HYOU1: variants seen among roughly 807,000 people sequenced by gnomAD.
HYOU1 encodes the protein hypoxia up-regulated 1, also known as hypoxia up-regulated protein 1.
HYOU1 carries 40 observed loss-of-function variants against 120.5 expected under a neutral mutation model. The observed-to-expected ratio is 0.33, with a 90% CI of 0.26 to 0.43. HYOU1 has a LOEUF of 0.43. Among genes scored for constraint, HYOU1 ranks in the 20% least tolerant of loss-of-function variants. HYOU1 has a pLI of 1.00. For synonymous variants in HYOU1, 501 were observed against 479.4 expected, an observed-to-expected ratio of 1.05 and a Z score of -0.59; for missense variants, 1,085 against 1,278.3, an observed-to-expected ratio of 0.85 and a Z score of 2.31.
At chr11:119,056,313 T>C (rs1246414969) in intron 1 of HYOU1, 146 bp from the exon 2 acceptor site, 2 of 703,434 alleles carry the variant, frequency 2.8e-6, no homozygotes, top group South Asian at 3.0e-5. Flanking sequence ...CCCTTCTCCC[T>C]CCTGATGGGT....
rs191259381 is a variant in HYOU1 at position 119,048,447 on chromosome 11, G to A, written c.2253+29C>T. On this transcript the variant is annotated intron_variant, in intron 19 of 25. Transcript: ENST00000617285. This position sits in a 1 kb window ranked among gnomAD's most constrained non-coding sequence, Gnocchi z 4.7. ...CCACAGAGCCAGGTGTAAGCCCAGT[G>A]GGGGGGCTGCTGCCTCCTGCCCACT... is the stretch of plus-strand genomic sequence containing the variant. 21 of 1,612,348 alleles carry A rather than the reference G, an allele frequency of 1.3e-5. No individual in the cohort carries two copies. The highest frequency in any genetic ancestry group is 5.0e-5 in the Admixed American group (3 of 59,996).
intron 16 of HYOU1, 116 bp from the exon 17 acceptor site, chr11:119,049,319 G>C: frequency 6.4e-7 from 1 of 1,562,104 alleles, no homozygotes; most frequent in Non-Finnish European, 8.6e-7. Context: ...GTATGGAAAC[G>C]GTCAATGGCC....
chr11:119,048,179 T>C lies in HYOU1; in HGVS notation c.2376+69A>G. 2 of 1,608,540 alleles carry C rather than the reference T, an allele frequency of 1.2e-6. No individual in the cohort carries two copies. The highest frequency in any genetic ancestry group is 1.7e-6 in the Non-Finnish European group (2 of 1,178,002). On this transcript the variant is annotated intron_variant, in intron 20 of 25. Transcript: ENST00000617285. This position sits in a 1 kb window ranked among gnomAD's most constrained non-coding sequence, Gnocchi z 4.7. ...TTATGGGCTCAAGCCCCAGCTCTTC[T>C]CTCTCTCTGACCCTGGGAGAGGAAG...
At position 119,047,797 on chromosome 11, in the gene HYOU1, C is replaced by T. The variant is rs2133558237; in HGVS notation, c.2532G>A (p.Glu844=). 5.0e-6 allele frequency: 8 copies of T among 1,614,020 alleles called. No homozygotes were observed. Among genetic ancestry groups the T allele is most frequent in the African/African-American group, 1.3e-5 (1 of 74,930 alleles). The change falls in exon 22 of 26, where the codon GAG becomes GAA. Residue 844 remains glutamate, a synonymous_variant. Transcript: ENST00000617285. ...MFLKGARLIP[E]MDQIFTEVEM... Reference sequence around the variant, plus strand: ...CCACCTCAGTGAAGATCTGGTCCATCTCTGGGATGAGCCGGGCCCCCCTGG... The same window carrying T: ...CCACCTCAGTGAAGATCTGGTCCATTTCTGGGATGAGCCGGGCCCCCCTGG...
In HYOU1 at chr11:119,055,176, A is replaced by G. The variant is rs1367427830; in HGVS notation, c.419+9T>C. 3 of 1,611,944 alleles carry G rather than the reference A, an allele frequency of 1.9e-6. No homozygotes were observed. The highest frequency in any genetic ancestry group is 2.2e-5 in the East Asian group (1 of 44,820). The stretch of plus-strand genomic sequence containing the variant: ...TTGCCGAGACCACCTTCCCCAACAG[A>G]GCACTCACGAGCTGATCTGAAAGTG... On this transcript the variant is annotated intron_variant, in intron 5 of 25. Coordinates refer to ENST00000617285, the MANE Select transcript of HYOU1 (RefSeq NM_006389.5). The surrounding 1 kb of genome is among the most constrained non-coding windows in gnomAD (Gnocchi z 4.0).
In HYOU1 at chr11:119,045,271, C is replaced by A; in HGVS notation, c.*322G>T. The A allele has an allele frequency of 1.9e-6, 1 of 521,046 alleles. No individual in the cohort carries two copies. Among genetic ancestry groups the A allele is most frequent in the South Asian group, 1.6e-5 (1 of 63,630 alleles). The allele number at this position is 521,046 out of a possible 1,614,324, so 32.3% of individuals were successfully genotyped here. ...CTTCCCATCACCGGGACCCATCAGC[C>A]ACTGGCAGCCATTCTCTTCCTACCC... On this transcript the variant is annotated 3_prime_UTR_variant, in exon 26 of 26. Coordinates refer to ENST00000617285, the MANE Select transcript of HYOU1 (RefSeq NM_006389.5).
At position 119,045,764 on chromosome 11, in the gene HYOU1, C is replaced by T; in HGVS notation, c.2938+17G>A. On this transcript the variant is annotated intron_variant, in intron 25 of 25. Transcript: ENST00000617285. ...ACCCCACCAGGCTTCCCACCGTAGC[C>T]CCGGCTCCATCCTCACCTGCTCCAG... 1.2e-6 allele frequency: 2 copies of T among 1,613,476 alleles called. No individual in the cohort carries two copies. Among genetic ancestry groups the T allele is most frequent in the Non-Finnish European group, 1.7e-6 (2 of 1,179,824 alleles).
At chr11:119,050,619 G>C (rs1015461546) in intron 14 of HYOU1, among the ~76,000 whole-genome samples, 4 of 149,422 alleles carry the variant, frequency 2.7e-5, no homozygotes, top group African/African-American at 9.9e-5. Context: ...TACTCAAGAG[G>C]CTGAGATGGG....
Position 119,045,500 on chromosome 11 carries a change from G to T in HYOU1, c.*93C>A. On this transcript the variant is annotated 3_prime_UTR_variant, in exon 26 of 26. Coordinates refer to ENST00000617285, the MANE Select transcript of HYOU1 (RefSeq NM_006389.5). ...GGTGAGAAAGGAACTCCAGCCGAGG[G>T]CAGGACCAACCCCTCCCCCAACCCT... 2 of 1,122,384 alleles carry T rather than the reference G, an allele frequency of 1.8e-6. No individual in the cohort carries two copies. The highest frequency in any genetic ancestry group is 1.4e-6 in the Non-Finnish European group (1 of 734,294). The allele number at this position is 1,122,384 out of a possible 1,614,324, so 69.5% of individuals were successfully genotyped here.
chr11:119,048,099 G>A lies in HYOU1; in HGVS notation c.2377-19C>T. On this transcript the variant is annotated intron_variant, in intron 20 of 25. Transcript: ENST00000617285. This position sits in a 1 kb window ranked among gnomAD's most constrained non-coding sequence, Gnocchi z 4.7. ...TCAACATCTGATGGATGTGCGATTG[G>A]GCAGAGGGGTGGAAGGGACGACAGC... The A allele has an allele frequency of 6.2e-7, 1 of 1,613,834 alleles. No individual in the cohort carries two copies. Among genetic ancestry groups the A allele is most frequent in the Non-Finnish European group, 8.5e-7 (1 of 1,180,030 alleles).
intron 7 of HYOU1, 112 bp downstream of exon 7, chr11:119,054,382 C>T: frequency 7.9e-7 from 1 of 1,262,026 alleles, no homozygotes; most frequent in Non-Finnish European, 1.1e-6. Flanking sequence ...GCTATTGGTG[C>T]ATTTTGCCAA....
Position 119,054,686 on chromosome 11 carries a change from C to G in HYOU1, c.497-11G>C. 1 of 1,607,796 alleles carries G rather than the reference C, an allele frequency of 6.2e-7. No individual in the cohort carries two copies. The highest frequency in any genetic ancestry group is 1.1e-5 in the South Asian group (1 of 91,000). On this transcript the variant is annotated splice_polypyrimidine_tract_variant and intron_variant, in intron 6 of 25. Transcript: ENST00000617285. Reference sequence around the variant, plus strand: ...CCTTGATGGGCTGCTCTACAGATGACAACAGAAAAGGGTCCCGCCGGCTCC... The same window carrying G: ...CCTTGATGGGCTGCTCTACAGATGAGAACAGAAAAGGGTCCCGCCGGCTCC...
chr11:119,045,189 A>C lies in HYOU1; in HGVS notation c.*404T>G. Reference sequence around the variant, plus strand: ...ATGCTCATCGCATGGTGGGAGAGGAAGGGAGGGAAGGAACAATCACCAGAG... The same window carrying C: ...ATGCTCATCGCATGGTGGGAGAGGACGGGAGGGAAGGAACAATCACCAGAG... On this transcript the variant is annotated 3_prime_UTR_variant, in exon 26 of 26. Transcript: ENST00000617285. 2.2e-6 allele frequency: 1 copy of C among 459,680 alleles called. No homozygotes were observed. The highest frequency in any genetic ancestry group is 4.4e-6 in the Non-Finnish European group (1 of 228,212). 28.5% of individuals were successfully genotyped at this position (459,680 alleles called of 1,614,324 possible).
rs2133585922 is a variant in HYOU1 at position 119,051,565 on chromosome 11, G to A, written c.1399C>T (p.Arg467Trp). 7 of 1,614,020 alleles carry A rather than the reference G, an allele frequency of 4.3e-6. No individual in the cohort carries two copies. The highest frequency in any genetic ancestry group is 1.1e-5 in the South Asian group (1 of 91,074). Residue 467 changes from arginine (R) to tryptophan (W), a missense_variant, in exon 13 of 26, where the codon CGG becomes TGG. Around this residue, in one of 4 missense-constraint regions of HYOU1, gnomAD observed 515 missense variants for 677.8 expected, o/e 0.76. Coordinates refer to ENST00000617285, the MANE Select transcript of HYOU1 (RefSeq NM_006389.5). The surrounding 1 kb of genome is among the most constrained non-coding windows in gnomAD (Gnocchi z 4.2). ...GGCCCCATCCGAGAGAAGAGTACCCGTTTATTGTGCTTCAGGCTGTGAATC... is the reference window on the plus strand; with the variant it reads ...GGCCCCATCCGAGAGAAGAGTACCCATTTATTGTGCTTCAGGCTGTGAATC... ...PGIHSLKHNK[R>W]VLFSRMGPYP...
rs1165259696 is a variant in HYOU1 at position 119,049,217 on chromosome 11, C to A, written c.1807-14G>T. 1.0e-5 allele frequency: 16 copies of A among 1,588,054 alleles called. No individual in the cohort carries two copies. Among genetic ancestry groups the A allele is most frequent in the Non-Finnish European group, 1.2e-5 (14 of 1,168,314 alleles). On this transcript the variant is annotated splice_polypyrimidine_tract_variant and intron_variant, in intron 16 of 25. Transcript: ENST00000617285. The stretch of plus-strand genomic sequence containing the variant: ...CTCCTCTTCCTCCTGGGAAACACCA[C>A]AGGCGCCCCAGGGAACGATCAGGAG...
chr11:119,052,944 A>C lies in HYOU1; in HGVS notation c.795-115T>G. ...TCCTTCATCTCAGGGGACCTTGTTC[A>C]TCTCCAGTGCCCCATGTGTGGACAC... On this transcript the variant is annotated intron_variant, in intron 8 of 25. Transcript: ENST00000617285. The surrounding 1 kb of genome is among the most constrained non-coding windows in gnomAD (Gnocchi z 5.0). 3.2e-6 allele frequency: 3 copies of C among 947,910 alleles called. No individual in the cohort carries two copies. In the South Asian group the frequency reaches 5.1e-5, roughly 16 times the overall value. The allele number at this position is 947,910 out of a possible 1,614,324, so 58.7% of individuals were successfully genotyped here. A position where few individuals can be genotyped will look rare whatever the true frequency, so the allele number is the denominator to read the frequency against.
rs2133567086 is a variant in HYOU1, at chr11:119,048,782, G to A, written c.2097C>T (p.Ile699=). ...GGTCCAGAACAACCAGCTCCACCCC[G>A]ATCTCCTCTACCATTCGCCGCTTCC... ...PARKRRMVEE[I]GVELVVLDLP... The change falls in exon 18 of 26, where the codon ATC becomes ATT. Residue 699 remains isoleucine (I), a synonymous_variant. Coordinates refer to ENST00000617285, the MANE Select transcript of HYOU1 (RefSeq NM_006389.5). This position sits in a 1 kb window ranked among gnomAD's most constrained non-coding sequence, Gnocchi z 4.7. The A allele has an allele frequency of 1.2e-5, 20 of 1,613,936 alleles. No individual in the cohort carries two copies. Among genetic ancestry groups the A allele is most frequent in the African/African-American group, 2.7e-5 (2 of 74,900 alleles).
rs1944222616 is a variant in HYOU1, at chr11:119,048,503, G to A, written c.2226C>T (p.Ser742=). 6.2e-7 allele frequency: 1 copy of A among 1,613,918 alleles called. No individual in the cohort carries two copies. Among genetic ancestry groups the A allele is most frequent in the African/African-American group, 1.3e-5 (1 of 74,900 alleles). Residue 742 remains serine (S), a synonymous_variant, in exon 19 of 26, where the codon AGC becomes AGT. Transcript: ENST00000617285. This position sits in a 1 kb window ranked among gnomAD's most constrained non-coding sequence, Gnocchi z 4.7. The part of the protein sequence containing the change: ...EKQEREKAAN[S]LEAFIFETQD... ...GGGTCTCAAATATGAATGCTTCCAA[G>A]CTGTTGGCAGCTTTTTCCCGTTCCT...
In HYOU1 at chr11:119,049,856, T is replaced by C; in HGVS notation, c.1666-19A>G. ...ACTCCACCTGAAAACAGGTTCAAAATGAAAAAATACACAGGCTAATCCACC... is the reference window on the plus strand; with the variant it reads ...ACTCCACCTGAAAACAGGTTCAAAACGAAAAAATACACAGGCTAATCCACC... On this transcript the variant is annotated intron_variant, in intron 14 of 25. Transcript: ENST00000617285. 1.2e-6 allele frequency: 2 copies of C among 1,611,536 alleles called. No homozygotes were observed. The highest frequency in any genetic ancestry group is 1.3e-5 in the African/African-American group (1 of 74,960).
Sources: allele counts gnomAD v4.1 joint callset (sites outside exome capture counted in the v4.1 genomes callset), GRCh38; gene constraint gnomAD v4.1.1; regional missense constraint gnomAD v4.1.1; non-coding constraint Gnocchi (gnomAD v3.1); transcripts MANE v1.5; gene names NCBI Gene and HGNC (gene_info 2026-07-23, HGNC 2026-07-21).